Variants in NALF1 observed in about 807,000 individuals in gnomAD.
NALF1 encodes the protein NALCN channel auxiliary factor 1, also known as family with sequence similarity 155 member A.
NALF1 carries 3 observed loss-of-function variants against 48.4 expected under a neutral mutation model. The observed-to-expected ratio is 0.06, with a 90% CI of 0.03 to 0.16. The LOEUF (loss-of-function observed/expected upper bound fraction) is 0.16, where lower values mean the gene tolerates loss of function less well. Ranked by LOEUF, NALF1 falls within the 10% of genes least tolerant of loss-of-function variation. The pLI is 1.00. For synonymous variants in NALF1, 262 were observed against 245.7 expected (o/e 1.07, Z -0.62); for missense variants, 526 against 571.5 (o/e 0.92, Z 0.81).
chr13:107,719,197 T>C lies in NALF1; in HGVS notation c.915+146485A>G, dbSNP rs991141505. ...ATGTTCTCTCTGTAACTAATGAAAA[T>C]CTGCTGAATATCACAGAGATTATCA... On this transcript the variant is annotated intron_variant, in intron 1 of 2. Transcript: ENST00000375915. Among the ~76,000 whole-genome samples, 8 of 152,358 alleles carry C rather than the reference T, an allele frequency of 5.3e-5. No homozygotes were observed. The East Asian group carries it at 1.5e-3, about 29-fold the overall frequency.
At chr13:107,278,766 A>G (rs1321535495) in intron 1 of NALF1, among the ~76,000 whole-genome samples, 3 of 152,240 alleles carry the variant, frequency 2.0e-5, no homozygotes, top group Non-Finnish European at 4.4e-5. Context: ...CTAGCTATGA[A>G]GCATAAAAGC....
At chr13:107,212,993 T>A (rs1330065507) in intron 1 of NALF1, among the ~76,000 whole-genome samples, 1 of 152,044 alleles carries the variant, frequency 6.6e-6, no homozygotes, top group Admixed American at 6.6e-5. Flanking sequence ...TTTCCACCGT[T>A]ATTCCAGTTA....
intron 2 of NALF1, among the ~76,000 whole-genome samples, chr13:107,184,963 G>T: frequency 6.6e-6 from 1 of 152,102 alleles, no homozygotes; most frequent in East Asian, 1.9e-4. Context: ...GGTCATTAGG[G>T]GTTCCTTAAT....
At chr13:107,845,345 A>G (rs1421274268) in intron 1 of NALF1, among the ~76,000 whole-genome samples, 3 of 152,132 alleles carry the variant, frequency 2.0e-5, no homozygotes, top group African/African-American at 7.2e-5. Flanking sequence ...ACTTCCTGAA[A>G]CAATCAGAAT....
chr13:107,536,671 T>C lies in NALF1; in HGVS notation c.916-325916A>G, dbSNP rs201564407. ...TCAACCATTGTGGAAGTCAGTGTGG[T>C]GATTCCTCAGGGATCTAGAACTAGA... On this transcript the variant is annotated intron_variant, in intron 1 of 2. Coordinates refer to ENST00000375915, the MANE Select transcript of NALF1 (RefSeq NM_001080396.3). Among the ~76,000 whole-genome samples the C allele has an allele frequency of 1.2e-4, 18 of 152,256 alleles. No homozygotes were observed. The East Asian group carries it at 1.7e-3, about 15-fold the overall frequency.
chr13:107,456,786 T>C (rs550853997), intron 1 of NALF1, among the ~76,000 whole-genome samples: 1 of 152,168 alleles, frequency 6.6e-6, no homozygotes, highest in Non-Finnish European at 1.5e-5. Context: ...TAAAACATAT[T>C]TGAAATTACC....
At chr13:107,794,501 G>T (rs1418772517) in intron 1 of NALF1, among the ~76,000 whole-genome samples, 8 of 148,082 alleles carry the variant, frequency 5.4e-5, no homozygotes, top group Admixed American at 2.0e-4. Flanking sequence ...GAATTATAAT[G>T]CTTAACAATA....
intron 1 of NALF1, among the ~76,000 whole-genome samples, chr13:107,293,309 T>A (rs1881665663): frequency 6.6e-6 from 1 of 152,154 alleles, no homozygotes; most frequent in East Asian, 1.9e-4. Context: ...GGAGCCACCA[T>A]CGTACATGTG....
At chr13:107,524,913 C>T (rs981004761) in intron 1 of NALF1, among the ~76,000 whole-genome samples, 1 of 151,880 alleles carries the variant, frequency 6.6e-6, no homozygotes, top group African/African-American at 2.4e-5. Context: ...ATTTAAACAT[C>T]TCAGTATAAC....
chr13:107,711,857 T>C (rs1875602993), intron 1 of NALF1, among the ~76,000 whole-genome samples: 1 of 152,234 alleles, frequency 6.6e-6, no homozygotes, highest in Non-Finnish European at 1.5e-5. Flanking sequence ...TCTTGTTTTT[T>C]ATGTTCAATT....
At chr13:107,435,940 G>A (rs923349872) in intron 1 of NALF1, among the ~76,000 whole-genome samples, 7 of 152,118 alleles carry the variant, frequency 4.6e-5, no homozygotes, top group Non-Finnish European at 7.4e-5. Context: ...CAGTTCCACA[G>A]AGCTACAAAG....
chr13:107,756,435 C>CTATATATATATATATATATATATA (rs148971349), intron 1 of NALF1, among the ~76,000 whole-genome samples: 79 of 141,032 alleles, frequency 5.6e-4, no homozygotes, highest in East Asian at 1.5e-3. Context: ...AGTTTAATGG[C>CTATATATATATATATATATATATA]TATATATATA....
chr13:107,331,810 T>C (rs1465336804), intron 1 of NALF1, among the ~76,000 whole-genome samples: 2 of 152,066 alleles, frequency 1.3e-5, no homozygotes, highest in African/African-American at 4.8e-5. Context: ...GATCGGACAT[T>C]TAGAAAAGAG....
intron 1 of NALF1, among the ~76,000 whole-genome samples, chr13:107,520,632 C>T (rs1876207001): frequency 6.6e-6 from 1 of 152,186 alleles, no homozygotes; most frequent in African/African-American, 2.4e-5. Context: ...AGTTTATTCA[C>T]CCAATCATTA....
chr13:107,765,517 G>A (rs1877396179), intron 1 of NALF1, among the ~76,000 whole-genome samples: 1 of 152,112 alleles, frequency 6.6e-6, no homozygotes, highest in African/African-American at 2.4e-5. Context: ...AATCTTGCAA[G>A]CCTACTTACA....
At chr13:107,421,824 T>C (rs920295842) in intron 1 of NALF1, among the ~76,000 whole-genome samples, 3 of 152,202 alleles carry the variant, frequency 2.0e-5, no homozygotes, top group Non-Finnish European at 2.9e-5. Flanking sequence ...GAAAACATGT[T>C]CCAGGATGGC....
At chr13:107,427,646 T>C (rs1264383700) in intron 1 of NALF1, among the ~76,000 whole-genome samples, 1 of 152,198 alleles carries the variant, frequency 6.6e-6, no homozygotes, top group Non-Finnish European at 1.5e-5. Flanking sequence ...ACATTTGCTT[T>C]TTAAAATTTG....
At chr13:107,615,077 C>T (rs1442401675) in intron 1 of NALF1, among the ~76,000 whole-genome samples, 2 of 152,132 alleles carry the variant, frequency 1.3e-5, no homozygotes. Context: ...GTGCCTCGCA[C>T]ATCCTGCATC....
chr13:107,566,834 G>C (rs1877823707), intron 1 of NALF1, among the ~76,000 whole-genome samples: 1 of 152,186 alleles, frequency 6.6e-6, no homozygotes, highest in African/African-American at 2.4e-5. Flanking sequence ...CACTTTTTAA[G>C]GCTGGAGAAC....
Sources: allele counts gnomAD v4.1 joint callset (sites outside exome capture counted in the v4.1 genomes callset), GRCh38; gene constraint gnomAD v4.1.1; transcripts MANE v1.5; gene names NCBI Gene and HGNC (gene_info 2026-07-23, HGNC 2026-07-21).